Variants in KNG1 observed in about 807,000 individuals in gnomAD.
KNG1 encodes kininogen 1.
In KNG1, 23 loss-of-function variants were observed where a neutral mutation model predicts 47.8. The observed-to-expected ratio is 0.48, with a 90% CI of 0.35 to 0.68. The LOEUF (loss-of-function observed/expected upper bound fraction) is 0.68. KNG1 is among the 30% of genes least tolerant of loss of function. The pLI, the probability that KNG1 is intolerant of heterozygous loss-of-function variation, is 0.01. For synonymous variants in KNG1, 277 were observed against 277.0 expected, an observed-to-expected ratio of 1.00 and a Z score of 0.00; for missense variants, 762 against 790.2, an observed-to-expected ratio of 0.96 and a Z score of 0.43.
In KNG1 at chr3:186,742,373, A is replaced by G. The variant is rs1349008564; in HGVS notation, c.*42A>G. The G allele has an allele frequency of 1.2e-6, 2 of 1,609,470 alleles. No homozygotes were observed. The highest frequency in any genetic ancestry group is 1.7e-6 in the Non-Finnish European group (2 of 1,179,862). On this transcript the variant is annotated 3_prime_UTR_variant, in exon 10 of 10. Coordinates refer to ENST00000644859, the MANE Select transcript of KNG1 (RefSeq NM_001102416.3). ...TATTTCTTTCATACTTTATTAAAGT[A>G]TCAATATCCCTCTCTCCATTGTCCA...
At position 186,741,712 on chromosome 3, in the gene KNG1, A is replaced by G. The variant is rs1433759065; in HGVS notation, c.1316A>G (p.His439Arg). The change falls in exon 10 of 10, where the codon CAT becomes CGT. Residue 439 changes from histidine to arginine, a missense_variant. Transcript: ENST00000644859. ...TGGGGCCATGAAAAACAAAGAAAAC[A>G]TAATCTTGGCCATGGCCATAAACAT... ...HDWGHEKQRK[H>R]NLGHGHKHER... The G allele has an allele frequency of 8.7e-6, 14 of 1,614,126 alleles. No individual in the cohort carries two copies. The Middle Eastern group carries it at 4.9e-4, about 57-fold the overall frequency.
intron 7 of KNG1, chr3:186,735,820 G>C (rs924320417): frequency 3.9e-5 from 6 of 152,046 alleles, no homozygotes; most frequent in African/African-American, 1.5e-4. Flanking sequence ...CAAACAAAAA[G>C]AGAGAGAGAT....
At chr3:186,722,117 C>CA (rs56170982) in intron 2 of KNG1, 6,248 of 142,636 alleles carry the variant, frequency 0.044, 224 homozygotes, top group African/African-American at 0.13. Context: ...CACTCTGTCT[C>CA]AAAAAAAAAA....
chr3:186,726,955 C>T (rs1252793809), intron 4 of KNG1, among the ~76,000 whole-genome samples: 1 of 151,940 alleles, frequency 6.6e-6, no homozygotes, highest in Non-Finnish European at 1.5e-5. Context: ...AATCCATGTT[C>T]CAAAACTGGC....
In KNG1 at chr3:186,742,443, G is replaced by C. The variant is rs375323276; in HGVS notation, c.*112G>C. ...AATGCACCAAAAACCATGCAGCTTCGGAACAGTCTAAAGAGAAGTGGTGAG... is the reference window on the plus strand; with the variant it reads ...AATGCACCAAAAACCATGCAGCTTCCGAACAGTCTAAAGAGAAGTGGTGAG... On this transcript the variant is annotated 3_prime_UTR_variant, in exon 10 of 10. Transcript: ENST00000644859. 3.2e-6 allele frequency: 5 copies of C among 1,543,154 alleles called. 1 individual carries two copies. In the South Asian group the frequency reaches 6.0e-5, roughly 18 times the overall value.
rs1281697665 is a variant in KNG1 at position 186,741,820 on chromosome 3, A to G, written c.1424A>G (p.His475Arg). 9.9e-6 allele frequency: 16 copies of G among 1,613,804 alleles called. No homozygotes were observed. Among genetic ancestry groups the G allele is most frequent in the East Asian group, 2.2e-5 (1 of 44,880 alleles). Residue 475 changes from histidine (H) to arginine (R), a missense_variant, in exon 10 of 10, where the codon CAT becomes CGT. His to Arg is a conservative substitution (Grantham distance 29, BLOSUM62 0). Transcript: ENST00000644859. The part of the protein sequence containing the change: ...HEQQHGLGHG[H>R]KFKLDDDLEH... ...CAACAGCATGGTCTTGGTCATGGAC[A>G]TAAGTTCAAACTTGATGATGATCTT...
chr3:186,733,190 G>A (rs1259582442), intron 7 of KNG1, among the ~76,000 whole-genome samples: 3 of 152,072 alleles, frequency 2.0e-5, no homozygotes, highest in African/African-American at 7.2e-5. Context: ...AGGTTGCAGT[G>A]AGCCGAGATT....
At chr3:186,733,849 T>A (rs923341203) in intron 7 of KNG1, among the ~76,000 whole-genome samples, 1 of 152,068 alleles carries the variant, frequency 6.6e-6, no homozygotes, top group African/African-American at 2.4e-5. Context: ...ATGCCTGTAA[T>A]CCCAGCTACT....
chr3:186,731,761 T>C (rs1268892174), intron 6 of KNG1, 132 bp downstream of exon 6: 3 of 700,804 alleles, frequency 4.3e-6, no homozygotes, highest in Admixed American at 2.0e-5. Flanking sequence ...CAGACACAGA[T>C]GCACCCCTTG....
At chr3:186,727,399 G>A in intron 5 of KNG1, 55 bp downstream of exon 5, 1 of 1,109,268 alleles carries the variant, frequency 9.0e-7, no homozygotes, top group Non-Finnish European at 1.4e-6. Context: ...TACATTTTGT[G>A]GTAACTATCA....
intron 2 of KNG1, 51 bp downstream of exon 2, chr3:186,720,266 C>A: frequency 8.3e-7 from 1 of 1,205,196 alleles, no homozygotes. Flanking sequence ...TTGACCCTGC[C>A]AGATTTTTTT....
intron 6 of KNG1, 137 bp from the exon 7 acceptor site, chr3:186,732,365 A>ACTGGG: frequency 5.3e-6 from 4 of 757,192 alleles, no homozygotes; most frequent in Non-Finnish European, 9.4e-6. Flanking sequence ...CAGACAGACA[A>ACTGGG]CCTTCCCCCA....
chr3:186,718,895 T>C (rs1424887177), intron 1 of KNG1, among the ~76,000 whole-genome samples: 1 of 152,190 alleles, frequency 6.6e-6, no homozygotes, highest in African/African-American at 2.4e-5. Context: ...CCTGGCAGGA[T>C]GCATGGTTCA....
chr3:186,739,061 AT>A (rs1560069461), intron 7 of KNG1, 37 bp from the exon 8 acceptor site: 2 of 1,473,492 alleles, frequency 1.4e-6, no homozygotes, highest in East Asian at 2.3e-5. Flanking sequence ...TTATGCAAAT[AT>A]TTTTAAGCGT....
chr3:186,730,649 C>T (rs1720488166), intron 5 of KNG1, among the ~76,000 whole-genome samples: 1 of 79,512 alleles, frequency 1.3e-5, no homozygotes, highest in East Asian at 4.0e-4. Flanking sequence ...AAGAGAGACT[C>T]CATCACAAAA....
intron 5 of KNG1, among the ~76,000 whole-genome samples, chr3:186,731,136 G>C (rs140944239): frequency 6.6e-6 from 1 of 151,994 alleles, no homozygotes; most frequent in Non-Finnish European, 1.5e-5. Context: ...TTCCTGCTAC[G>C]TTTATATTTG....
Position 186,717,897 on chromosome 3 carries a change from CCCACCACCACCACCACCAT to C in KNG1, c.195+172_195+190del. On this transcript the variant is annotated intron_variant, in intron 1 of 9. Transcript: ENST00000644859. ...ACCACCACCACAACCACCACCACCACCCACCACCACCACCACCATCCACCACCACCCACCACCCACCACC... is the reference window on the plus strand; with the variant it reads ...ACCACCACCACAACCACCACCACCACCCACCACCACCCACCACCCACCACC... 5.2e-5 allele frequency: 14 copies of C among 268,444 alleles called. No homozygotes were observed. The South Asian group carries it at 7.1e-4, about 14-fold the overall frequency. 16.6% of individuals were successfully genotyped at this position (268,444 alleles called of 1,614,324 possible).
intron 7 of KNG1, among the ~76,000 whole-genome samples, chr3:186,735,415 C>T (rs1038319698): frequency 2.0e-5 from 3 of 151,990 alleles, no homozygotes; most frequent in African/African-American, 4.8e-5. Context: ...GTCAGGAGTT[C>T]GAGACCAGCC....
intron 5 of KNG1, 31 bp downstream of exon 5, chr3:186,727,375 C>A (rs767335668): frequency 7.4e-7 from 1 of 1,354,840 alleles, no homozygotes; most frequent in East Asian, 2.3e-5. Flanking sequence ...TGATAAAGTT[C>A]TTAGCATTTT....
Sources: allele counts gnomAD v4.1 joint callset (sites outside exome capture counted in the v4.1 genomes callset), GRCh38; gene constraint gnomAD v4.1.1; transcripts MANE v1.5; gene names NCBI Gene and HGNC (gene_info 2026-07-23, HGNC 2026-07-21).